PSMG4: variants seen among roughly 807,000 people sequenced by gnomAD.
PSMG4 encodes proteasome (prosome, macropain) assembly chaperone 4.
PSMG4 carries 10 observed loss-of-function variants against 11.0 expected under a neutral mutation model. That is an observed-to-expected ratio of 0.91 (90% CI 0.56 to 1.54). The LOEUF (loss-of-function observed/expected upper bound fraction) is 1.54. Ranked by LOEUF, PSMG4 falls within the 40% of genes most tolerant of loss-of-function variation. The pLI, the probability that PSMG4 is intolerant of heterozygous loss-of-function variation, is 0.00. For synonymous variants in PSMG4, 95 were observed against 71.3 expected (o/e 1.33, Z -1.68); for missense variants, 198 against 160.9 (o/e 1.23, Z -1.25).
At chr6:3,255,550 G>T (rs944502204), upstream of PSMG4, among the ~76,000 whole-genome samples, 1 of 152,088 alleles carries the variant, frequency 6.6e-6, no homozygotes, top group African/African-American at 2.4e-5. Flanking sequence ...TCCAACCTTG[G>T]GCTGCTGTTC....
At chr6:3,255,123 C>T (rs1481161374), upstream of PSMG4, 2 of 1,551,068 alleles carry the variant, frequency 1.3e-6, no homozygotes, top group Non-Finnish European at 1.7e-6. Context: ...CACCAGCTTA[C>T]CACGTATTGG....
At chr6:3,260,264 C>T (rs1757929036) in intron 1 of PSMG4, among the ~76,000 whole-genome samples, 1 of 133,698 alleles carries the variant, frequency 7.5e-6, no homozygotes, top group Non-Finnish European at 1.6e-5. Context: ...CCAGTATAAC[C>T]TTGTCTTAAA....
At chr6:3,258,755 C>G (rs1170209706), upstream of PSMG4, 7 of 325,462 alleles carry the variant, frequency 2.2e-5, no homozygotes, top group Non-Finnish European at 2.8e-5. Flanking sequence ...TTCCCCAGCC[C>G]GTCCAGAGAG....
Position 3,259,215 on chromosome 6 carries a change from A to C in PSMG4, c.174+19A>C. On this transcript the variant is annotated intron_variant, in intron 1 of 2. Coordinates refer to ENST00000438998, the MANE Select transcript of PSMG4 (RefSeq NM_001128591.2). ...CCGCTACGTGAGTGCCTGGCGGCCGAGGGTGCGGGCGGCGGGGCGGGGGCG... is the reference window on the plus strand; with the variant it reads ...CCGCTACGTGAGTGCCTGGCGGCCGCGGGTGCGGGCGGCGGGGCGGGGGCG... 8.2e-7 allele frequency: 1 copy of C among 1,214,910 alleles called. No individual in the cohort carries two copies. The highest frequency in any genetic ancestry group is 1.0e-6 in the Non-Finnish European group (1 of 976,482). The allele number at this position is 1,214,910 out of a possible 1,614,324, so 75.3% of individuals were successfully genotyped here.
intron 2 of PSMG4, chr6:3,266,323 TGAC>T (rs1466445064): frequency 6.6e-6 from 1 of 152,168 alleles, no homozygotes; most frequent in Non-Finnish European, 1.5e-5. Flanking sequence ...TGAGATCCCA[TGAC>T]GTGTGTTCTA....
chr6:3,266,569 C>T (rs567019541), intron 2 of PSMG4: 6 of 152,252 alleles, frequency 3.9e-5, no homozygotes, highest in African/African-American at 7.2e-5. Flanking sequence ...TTTTTGCCCA[C>T]GTATTTTCAG....
chr6:3,264,580 C>T, intron 2 of PSMG4: 1 of 526,638 alleles, frequency 1.9e-6, no homozygotes, highest in Non-Finnish European at 3.2e-6. Context: ...GGAGTGTCAC[C>T]AGCAGGCCCA....
At chr6:3,264,707 A>C (rs1375886694) in intron 2 of PSMG4, 1 of 163,790 alleles carries the variant, frequency 6.1e-6, no homozygotes, top group African/African-American at 2.4e-5. Flanking sequence ...TTAATTTGGT[A>C]ATTTTTAACT....
intron 1 of PSMG4, 77 bp downstream of exon 1, chr6:3,259,273 C>G (rs1464834510): frequency 7.6e-6 from 9 of 1,188,760 alleles, no homozygotes; most frequent in Non-Finnish European, 4.2e-6. Flanking sequence ...GCTGCAGCCC[C>G]CCAGGCTTCT....
chr6:3,259,981 C>G (rs1757915826), intron 1 of PSMG4, among the ~76,000 whole-genome samples: 1 of 152,168 alleles, frequency 6.6e-6, no homozygotes, highest in Admixed American at 6.5e-5. Flanking sequence ...TCACTGTCAC[C>G]CAGGCTGGGG....
At chr6:3,259,316 GC>G in intron 1 of PSMG4, 120 bp downstream of exon 1, 1 of 944,052 alleles carries the variant, frequency 1.1e-6, no homozygotes, top group Non-Finnish European at 1.4e-6. Flanking sequence ...CTCCCCCGAA[GC>G]CCACCCGTGG....
At chr6:3,255,094 C>A, upstream of PSMG4, 1 of 1,551,028 alleles carries the variant, frequency 6.4e-7, no homozygotes, top group Non-Finnish European at 8.7e-7. Flanking sequence ...AAGAAGTTGG[C>A]TGCATAGGAG....
intron 1 of PSMG4, among the ~76,000 whole-genome samples, chr6:3,262,444 T>C (rs1454526378): frequency 1.3e-5 from 2 of 152,218 alleles, no homozygotes; most frequent in African/African-American, 2.4e-5. Context: ...TAAGATATTT[T>C]TGTATCGTTT....
intron 1 of PSMG4, among the ~76,000 whole-genome samples, chr6:3,261,755 C>T (rs1253412510): frequency 1.3e-5 from 2 of 152,122 alleles, no homozygotes; most frequent in African/African-American, 4.8e-5. Context: ...GTGGGGCGGC[C>T]CTCCATCTAC....
chr6:3,257,339 GGAGA>G (rs745430829), upstream of PSMG4, among the ~76,000 whole-genome samples: 2 of 152,108 alleles, frequency 1.3e-5, no homozygotes, highest in African/African-American at 2.4e-5. Context: ...CAGCAAAGCT[GGAGA>G]GAGAGAGGAG....
chr6:3,256,711 C>G (rs573161923), upstream of PSMG4, among the ~76,000 whole-genome samples: 1 of 152,328 alleles, frequency 6.6e-6, no homozygotes, highest in South Asian at 2.1e-4. Flanking sequence ...GGCTGACTCC[C>G]TGGGCACTCT....
upstream of PSMG4, among the ~76,000 whole-genome samples, chr6:3,255,868 T>C (rs535239764): frequency 3.1e-5 from 2 of 65,338 alleles, no homozygotes; most frequent in East Asian, 7.8e-4. Flanking sequence ...GAATGCAAAT[T>C]GTTTTGTCTT....
chr6:3,263,186 C>T (rs1435326072), intron 1 of PSMG4, among the ~76,000 whole-genome samples: 1 of 152,230 alleles, frequency 6.6e-6, no homozygotes, highest in Non-Finnish European at 1.5e-5. Flanking sequence ...AAGGCACTCG[C>T]TGACCCTGAG....
At chr6:3,266,558 C>G (rs2127265206) in intron 2 of PSMG4, 1 of 152,300 alleles carries the variant, frequency 6.6e-6, no homozygotes, top group East Asian at 1.9e-4. Context: ...CTGCTTTAGC[C>G]TTTTTGCCCA....
Sources: gnomAD v4.1 joint callset for allele counts (sites outside exome capture counted in the v4.1 genomes callset) on GRCh38, gnomAD v4.1.1 for gene constraint, MANE v1.5 for transcripts, NCBI Gene and HGNC (gene_info 2026-07-23, HGNC 2026-07-21) for gene names.